Variants in MAGI2 observed in about 807,000 individuals in gnomAD.
The protein encoded by MAGI2 is membrane associated guanylate kinase, WW and PDZ domain containing 2.
MAGI2 carries 35 observed loss-of-function variants against 133.3 expected under a neutral mutation model. The observed-to-expected ratio is 0.26, with a 90% CI of 0.20 to 0.35. The LOEUF is 0.35. Among genes scored for constraint, MAGI2 ranks in the 10% least tolerant of loss-of-function variants. The probability of loss-of-function intolerance (pLI) is 1.00; values close to 1 mark genes in which losing one functional copy is unlikely to be tolerated. For missense variants in MAGI2, 1,636 were observed against 1,863.4 expected, an observed-to-expected ratio of 0.88 and a Z score of 2.25; for synonymous variants, 729 against 710.6, an observed-to-expected ratio of 1.03 and a Z score of -0.41.
chr7:78,093,577 G>C (rs1817438625), intron 20 of MAGI2, among the ~76,000 whole-genome samples: 1 of 152,200 alleles, frequency 6.6e-6, no homozygotes, highest in African/African-American at 2.4e-5. Context: ...GACTACAATT[G>C]GGAAGCTGAT....
In MAGI2 at chr7:79,049,179, T is replaced by C. The variant is rs117829652; in HGVS notation, c.302-41973A>G. Reference sequence around the variant, plus strand: ...ATTAAAAGTGTGGATAAATGGAAAATTTGAGAATTCAGGTTATTTCAATGA... The same window carrying C: ...ATTAAAAGTGTGGATAAATGGAAAACTTGAGAATTCAGGTTATTTCAATGA... On this transcript the variant is annotated intron_variant, in intron 1 of 21. Coordinates refer to ENST00000354212, the MANE Select transcript of MAGI2 (RefSeq NM_012301.4). Among the ~76,000 whole-genome samples, 1,130 of 152,182 alleles carry C rather than the reference T, an allele frequency of 7.4e-3. 11 individuals are homozygous for C. Among genetic ancestry groups the C allele is most frequent in the Non-Finnish European group, 0.011 (776 of 68,002 alleles).
chr7:79,159,738 T>C (rs1323483176), intron 1 of MAGI2, among the ~76,000 whole-genome samples: 2 of 152,110 alleles, frequency 1.3e-5, no homozygotes, highest in African/African-American at 4.8e-5. Flanking sequence ...AGTTCTGTTC[T>C]TTCTCTTTCG....
At chr7:78,323,246 T>C (rs1353564453) in intron 9 of MAGI2, among the ~76,000 whole-genome samples, 1 of 152,182 alleles carries the variant, frequency 6.6e-6, no homozygotes, top group East Asian at 1.9e-4. Flanking sequence ...GTCTTGGTAT[T>C]GAACTACAAG....
At chr7:78,070,460 GTA>G (rs1310059022) in intron 21 of MAGI2, among the ~76,000 whole-genome samples, 168 of 146,200 alleles carry the variant, frequency 1.1e-3, no homozygotes, top group Non-Finnish European at 2.3e-3. Context: ...ATATGTGTGT[GTA>G]TATATGTGTG....
chr7:79,301,437 C>G (rs1413942388), intron 1 of MAGI2, among the ~76,000 whole-genome samples: 1 of 152,236 alleles, frequency 6.6e-6, no homozygotes, highest in African/African-American at 2.4e-5. Flanking sequence ...GATTTAATTA[C>G]TGCTCTATGA....
intron 10 of MAGI2, chr7:78,254,472 C>G (rs1209095272): frequency 6.6e-6 from 1 of 152,036 alleles, no homozygotes; most frequent in Non-Finnish European, 1.5e-5. Context: ...AATACCTTGC[C>G]AACATTTAAT....
At chr7:78,751,540 A>G (rs188694601) in intron 2 of MAGI2, among the ~76,000 whole-genome samples, 17 of 152,368 alleles carry the variant, frequency 1.1e-4, no homozygotes, top group East Asian at 9.7e-4. Flanking sequence ...TCCCTACTGC[A>G]ATGAAATATG....
intron 1 of MAGI2, among the ~76,000 whole-genome samples, chr7:79,203,558 T>C (rs1369068709): frequency 2.6e-5 from 4 of 151,974 alleles, no homozygotes; most frequent in African/African-American, 7.3e-5. Flanking sequence ...TATAGCACCA[T>C]TGGTGCTTCA....
At position 79,136,025 on chromosome 7, in the gene MAGI2, G is replaced by GA. The variant is rs1288550585; in HGVS notation, c.302-128820dup. Reference sequence around the variant, plus strand: ...AAAGAGAAAGAAAGAAAGAAAGAAAGAAGGAAAGAAAGAAAGAAAGAAGGA... The same window carrying GA: ...AAAGAGAAAGAAAGAAAGAAAGAAAGAAAGGAAAGAAAGAAAGAAAGAAGGA... On this transcript the variant is annotated intron_variant, in intron 1 of 21. Coordinates refer to ENST00000354212, the MANE Select transcript of MAGI2 (RefSeq NM_012301.4). 1.5e-3 allele frequency among the ~76,000 whole-genome samples: 177 copies of GA among 120,232 alleles called. 4 individuals carry two copies. The highest frequency in any genetic ancestry group is 6.1e-3 in the African/African-American group (154 of 25,226). 78.9% of individuals were successfully genotyped at this position (120,232 alleles called of 152,430 possible). A position where few individuals can be genotyped will look rare whatever the true frequency, so the allele number is the denominator to read the frequency against.
At chr7:78,753,671 C>T (rs144506760) in intron 2 of MAGI2, among the ~76,000 whole-genome samples, 109 of 151,514 alleles carry the variant, frequency 7.2e-4, no homozygotes, top group African/African-American at 2.4e-3. Context: ...CAACTAGTTA[C>T]GGATTTCTTT....
At chr7:78,564,300 G>T (rs1451850544) in intron 3 of MAGI2, among the ~76,000 whole-genome samples, 2 of 151,972 alleles carry the variant, frequency 1.3e-5, no homozygotes, top group African/African-American at 4.8e-5. Context: ...CTGTCACCTT[G>T]GATCAACCCT....
At chr7:79,206,170 C>G (rs1402116562) in intron 1 of MAGI2, among the ~76,000 whole-genome samples, 5 of 148,816 alleles carry the variant, frequency 3.4e-5, no homozygotes, top group East Asian at 2.0e-4. Flanking sequence ...TCATAAGAAA[C>G]TAGAGAAATA....
At chr7:78,653,799 T>TAA (rs1811845602) in intron 2 of MAGI2, among the ~76,000 whole-genome samples, 2 of 149,210 alleles carry the variant, frequency 1.3e-5, no homozygotes, top group African/African-American at 4.9e-5. Flanking sequence ...AAAACAAGGA[T>TAA]AAAGAATATT....
intron 1 of MAGI2, among the ~76,000 whole-genome samples, chr7:79,363,106 G>A (rs1331074298): frequency 6.6e-6 from 1 of 151,168 alleles, no homozygotes; most frequent in Non-Finnish European, 1.5e-5. Flanking sequence ...AAGGTTCAAG[G>A]GTACAAGGTC....
At chr7:78,617,004 T>C (rs1467851666) in intron 3 of MAGI2, 4 of 152,136 alleles carry the variant, frequency 2.6e-5, no homozygotes, top group Non-Finnish European at 4.4e-5. Context: ...ACAGAATAAA[T>C]GGTCAATTAT....
At chr7:78,990,116 T>G (rs1018112841) in intron 2 of MAGI2, among the ~76,000 whole-genome samples, 5 of 152,090 alleles carry the variant, frequency 3.3e-5, no homozygotes, top group Non-Finnish European at 7.4e-5. Flanking sequence ...GCTCTGAGCA[T>G]CTTAATTCAT....
At chr7:78,241,857 C>G (rs1044854790) in intron 10 of MAGI2, among the ~76,000 whole-genome samples, 1 of 151,820 alleles carries the variant, frequency 6.6e-6, no homozygotes, top group Non-Finnish European at 1.5e-5. Context: ...TCACTTGAAC[C>G]CAGGAGGTGG....
At chr7:78,483,865 G>A (rs1432749387) in intron 6 of MAGI2, among the ~76,000 whole-genome samples, 1 of 151,852 alleles carries the variant, frequency 6.6e-6, no homozygotes, top group Non-Finnish European at 1.5e-5. Context: ...ATCAATTTTT[G>A]AAGTTTTAGT....
intron 1 of MAGI2, among the ~76,000 whole-genome samples, chr7:79,281,877 AAATT>A (rs1223035074): frequency 7.9e-5 from 12 of 152,200 alleles, no homozygotes; most frequent in Non-Finnish European, 1.6e-4. Context: ...GAATATTTAA[AAATT>A]AATCAGCTTC....
Sources: allele counts gnomAD v4.1 joint callset (sites outside exome capture counted in the v4.1 genomes callset), GRCh38; gene constraint gnomAD v4.1.1; transcripts MANE v1.5; gene names NCBI Gene and HGNC (gene_info 2026-07-23, HGNC 2026-07-21).